Variants in PPARGC1A observed in about 807,000 individuals in gnomAD.
The protein encoded by PPARGC1A is peroxisome proliferator-activated receptor gamma coactivator 1-alpha.
Under a neutral mutation model 88.7 loss-of-function variants are expected in PPARGC1A, and 25 were observed. The ratio of observed to expected loss-of-function variants is 0.28; its 90% CI spans 0.21 to 0.39. PPARGC1A has a LOEUF of 0.39. PPARGC1A is among the 10% of genes least tolerant of loss of function. PPARGC1A has a pLI of 1.00. For missense variants in PPARGC1A, 880 were observed against 968.7 expected, an observed-to-expected ratio of 0.91 and a Z score of 1.22; for synonymous variants, 363 against 355.6, an observed-to-expected ratio of 1.02 and a Z score of -0.24.
chr4:23,960,138 T>C, the PPARGC1A span, among the ~76,000 whole-genome samples: 1 of 152,194 alleles, frequency 6.6e-6, no homozygotes, highest in Non-Finnish European at 1.5e-5. Context: ...GGTGGCCAGA[T>C]AGATTCAGCC....
intron 2 of PPARGC1A, chr4:23,875,731 A>G (rs940848163): frequency 6.6e-6 from 1 of 152,212 alleles, no homozygotes; most frequent in African/African-American, 2.4e-5. Flanking sequence ...TTAGAATAAT[A>G]TAAGTATTCT....
At chr4:24,469,480 T>C in the PPARGC1A span, among the ~76,000 whole-genome samples, 2 of 152,156 alleles carry the variant, frequency 1.3e-5, no homozygotes, top group Non-Finnish European at 2.9e-5. Flanking sequence ...ATGATGTACA[T>C]CTCTCATTTG....
chr4:24,092,753 T>C, the PPARGC1A span, among the ~76,000 whole-genome samples: 3 of 152,190 alleles, frequency 2.0e-5, no homozygotes, highest in Admixed American at 6.5e-5. Flanking sequence ...GATGCAAATA[T>C]AGTGGTGCCC....
the PPARGC1A span, among the ~76,000 whole-genome samples, chr4:23,975,054 A>T: frequency 6.6e-6 from 1 of 151,862 alleles, no homozygotes; most frequent in African/African-American, 2.4e-5. Context: ...AAGGCAGGAG[A>T]GAGGTTATAA....
chr4:24,411,487 C>T, the PPARGC1A span, among the ~76,000 whole-genome samples: 15 of 152,330 alleles, frequency 9.8e-5, no homozygotes, highest in Middle Eastern at 3.4e-3. Context: ...CAAAGTGGTG[C>T]ATTTGTTACA....
the PPARGC1A span, among the ~76,000 whole-genome samples, chr4:23,990,945 A>C: frequency 2.0e-5 from 3 of 152,090 alleles, no homozygotes; most frequent in Admixed American, 2.0e-4. Flanking sequence ...AATAAAATAA[A>C]AGTATCTAAA....
chr4:24,125,666 C>G, the PPARGC1A span, among the ~76,000 whole-genome samples: 2 of 144,538 alleles, frequency 1.4e-5, no homozygotes, highest in Non-Finnish European at 3.1e-5. Flanking sequence ...GGCATTAAAT[C>G]TGTAAAGTTG....
chr4:24,033,410 G>GACACACACAC, the PPARGC1A span, among the ~76,000 whole-genome samples: 188 of 150,952 alleles, frequency 1.2e-3, no homozygotes, highest in South Asian at 7.6e-3. Context: ...TAGACAGACA[G>GACACACACAC]ACACACACAC....
the PPARGC1A span, among the ~76,000 whole-genome samples, chr4:24,212,836 A>G: frequency 6.6e-6 from 1 of 152,216 alleles, no homozygotes; most frequent in Non-Finnish European, 1.5e-5. Context: ...GAAAGCTGAG[A>G]CAACAATGGT....
chr4:24,067,557 T>C, the PPARGC1A span, among the ~76,000 whole-genome samples: 1 of 152,248 alleles, frequency 6.6e-6, no homozygotes, highest in East Asian at 1.9e-4. Context: ...CTGGAATCAC[T>C]AAAGGTCAAA....
At chr4:23,922,234 C>T in the PPARGC1A span, among the ~76,000 whole-genome samples, 1 of 152,154 alleles carries the variant, frequency 6.6e-6, no homozygotes, top group Non-Finnish European at 1.5e-5. Context: ...AAATTGATTC[C>T]AGCTGGGGCA....
the PPARGC1A span, among the ~76,000 whole-genome samples, chr4:24,460,764 C>G: frequency 3.3e-5 from 5 of 152,176 alleles, no homozygotes; most frequent in African/African-American, 1.2e-4. Context: ...TCCTGGGCCT[C>G]ACAGTGTGTC....
chr4:24,261,134 G>C, the PPARGC1A span, among the ~76,000 whole-genome samples: 1 of 152,144 alleles, frequency 6.6e-6, no homozygotes, highest in Non-Finnish European at 1.5e-5. Flanking sequence ...CCACCCTACT[G>C]GGAGAGTCTC....
chr4:24,238,400 G>C, the PPARGC1A span, among the ~76,000 whole-genome samples: 2 of 152,162 alleles, frequency 1.3e-5, no homozygotes, highest in Non-Finnish European at 2.9e-5. Flanking sequence ...TAACTTCTTA[G>C]AGTATCTTAT....
At chr4:24,318,838 T>A in the PPARGC1A span, among the ~76,000 whole-genome samples, 1 of 152,116 alleles carries the variant, frequency 6.6e-6, no homozygotes, top group Non-Finnish European at 1.5e-5. Flanking sequence ...AAAAAACAGA[T>A]AACAAAATAC....
the PPARGC1A span, among the ~76,000 whole-genome samples, chr4:24,349,077 G>A: frequency 1.3e-5 from 2 of 152,186 alleles, no homozygotes; most frequent in African/African-American, 4.8e-5. Flanking sequence ...TCTCTTCTGG[G>A]TCTAGCCATC....
At chr4:23,985,624 A>G in the PPARGC1A span, among the ~76,000 whole-genome samples, 1 of 151,962 alleles carries the variant, frequency 6.6e-6, no homozygotes, top group Non-Finnish European at 1.5e-5. Context: ...ACTTATCTAA[A>G]CGGGAGGGAG....
At chr4:24,267,973 A>C in the PPARGC1A span, among the ~76,000 whole-genome samples, 17 of 152,214 alleles carry the variant, frequency 1.1e-4, no homozygotes, top group African/African-American at 3.6e-4. Flanking sequence ...CTGTAGAATT[A>C]AGTTAAAGGA....
the PPARGC1A span, among the ~76,000 whole-genome samples, chr4:24,317,188 C>A: frequency 6.6e-6 from 1 of 152,028 alleles, no homozygotes; most frequent in Admixed American, 6.6e-5. Context: ...ACCATTGCAA[C>A]TCAACTCTAT....
Sources: gnomAD v4.1 joint callset for allele counts (sites outside exome capture counted in the v4.1 genomes callset) on GRCh38, gnomAD v4.1.1 for gene constraint, MANE v1.5 for transcripts, NCBI Gene and HGNC (gene_info 2026-07-23, HGNC 2026-07-21) for gene names.